The following NLGN3 variants were observed in gnomAD, a reference collection of about 807,000 sequenced individuals.
The protein encoded by NLGN3 is neuroligin 3.
Under a neutral mutation model 42.9 loss-of-function variants are expected in NLGN3, and 11 were observed. The observed-to-expected ratio is 0.26, with a 90% CI of 0.16 to 0.42. NLGN3 has a LOEUF of 0.42. Among genes scored for constraint, NLGN3 ranks in the 10% least tolerant of loss-of-function variants. The probability of loss-of-function intolerance (pLI) is 1.00; values close to 1 mark genes in which losing one functional copy is unlikely to be tolerated. For synonymous variants in NLGN3, 279 were observed against 312.7 expected (o/e 0.89, Z 1.14); for missense variants, 374 against 733.8 (o/e 0.51, Z 5.67).
intron 7 of NLGN3, 117 bp from the exon 8 acceptor site, chrX:71,169,137 A>G: frequency 2.3e-6 from 2 of 872,758 alleles, no homozygotes; most frequent in Non-Finnish European, 3.3e-6. Flanking sequence ...CCTGAAAAAG[A>G]TGGAAATGGT....
chrX:71,164,389 A>G, intron 6 of NLGN3, 61 bp downstream of exon 6: 1 of 1,104,038 alleles, frequency 9.1e-7, no homozygotes, highest in Non-Finnish European at 1.2e-6. Context: ...AGCATGCCCC[A>G]TCCATGCCCC....
chrX:71,148,415 C>T (rs1167206055), intron 2 of NLGN3, among the ~76,000 whole-genome samples: 1 of 108,806 alleles, frequency 9.2e-6, no homozygotes, highest in Non-Finnish European at 1.9e-5. Context: ...GACACTGTTG[C>T]CAGGAGGGGC....
intron 3 of NLGN3, among the ~76,000 whole-genome samples, chrX:71,151,979 C>T (rs1334224977): frequency 8.9e-6 from 1 of 112,030 alleles, no homozygotes; most frequent in Non-Finnish European, 1.9e-5. Context: ...GAGCCAGAGG[C>T]AATTTCTCCC....
intron 5 of NLGN3, among the ~76,000 whole-genome samples, chrX:71,160,256 G>A (rs1385336537): frequency 3.1e-5 from 3 of 95,239 alleles, no homozygotes; most frequent in East Asian, 3.3e-4. Context: ...TCGCTCTGTC[G>A]CTCAGGCTGG....
At chrX:71,162,782 G>A (rs2092434664) in intron 5 of NLGN3, among the ~76,000 whole-genome samples, 1 of 111,993 alleles carries the variant, frequency 8.9e-6, no homozygotes, top group South Asian at 3.7e-4. Flanking sequence ...TCTGCCTATG[G>A]ACTGCAAGGA....
At chrX:71,149,767 G>C (rs905523091) in intron 3 of NLGN3, among the ~76,000 whole-genome samples, 6 of 110,477 alleles carry the variant, frequency 5.4e-5, no homozygotes, top group Non-Finnish European at 1.1e-4. Context: ...TGACCTTCAG[G>C]GCGTGTTCTT....
chrX:71,173,074 T>C (rs1157607170), downstream of NLGN3, among the ~76,000 whole-genome samples: 3 of 109,935 alleles, frequency 2.7e-5, no homozygotes, highest in African/African-American at 9.9e-5. Context: ...GGCCTCCCAA[T>C]TGACCTTTTG....
At chrX:71,145,267 C>A (rs1293311075) in intron 1 of NLGN3, among the ~76,000 whole-genome samples, 2 of 104,622 alleles carry the variant, frequency 1.9e-5, no homozygotes, top group East Asian at 6.1e-4. Flanking sequence ...CGGGATTGCA[C>A]ATTGCCAGTC....
At chrX:71,155,998 G>T (rs1252236480) in intron 5 of NLGN3, among the ~76,000 whole-genome samples, 1 of 110,286 alleles carries the variant, frequency 9.1e-6, no homozygotes, top group Non-Finnish European at 1.9e-5. Context: ...GCACCCCGCA[G>T]ATGGCTCTCA....
In NLGN3 at chrX:71,169,881, C is replaced by T. The variant is rs759656254; in HGVS notation, c.2331C>T (p.Ala777=). Residue 777 remains alanine, a synonymous_variant, in exon 8 of 8, where the codon GCC becomes GCT. Coordinates refer to ENST00000358741, the MANE Select transcript of NLGN3 (RefSeq NM_181303.2). ...QLGPTHHECE[A]GPPHDTLRLT... ...GCCCCACCCACCACGAGTGTGAGGC[C>T]GGTCCCCCCCATGACACGCTGCGCC... 91 of 1,196,481 alleles carry T rather than the reference C, an allele frequency of 7.6e-5. No homozygotes were observed. In the South Asian group the frequency reaches 1.5e-3, roughly 20 times the overall value.
At chrX:71,155,146 C>T in intron 4 of NLGN3, 68 bp from the exon 5 acceptor site, 6 of 1,171,832 alleles carry the variant, frequency 5.1e-6, no homozygotes, top group Non-Finnish European at 7.0e-6. Context: ...CACCCACCCC[C>T]TGGGCTGGCA....
At chrX:71,154,746 G>A (rs1296622367) in intron 4 of NLGN3, among the ~76,000 whole-genome samples, 3 of 111,360 alleles carry the variant, frequency 2.7e-5, no homozygotes, top group Non-Finnish European at 5.7e-5. Flanking sequence ...TGCACTGGGG[G>A]GCCAGCTGCT....
chrX:71,168,529 G>A (rs1422116623), intron 7 of NLGN3, among the ~76,000 whole-genome samples: 17 of 109,457 alleles, frequency 1.6e-4, no homozygotes, highest in Admixed American at 1.4e-3. Context: ...TCAGGAGTTC[G>A]AAACCAGCCT....
In NLGN3 at chrX:71,170,696, A is replaced by G; in HGVS notation, c.*599A>G. On this transcript the variant is annotated 3_prime_UTR_variant, in exon 8 of 8. Transcript: ENST00000358741. ...GGACCCCCAGTGCTCACACAATCAGACCAAGGAACAAGACCCCCAGGAAGG... is the reference window on the plus strand; with the variant it reads ...GGACCCCCAGTGCTCACACAATCAGGCCAAGGAACAAGACCCCCAGGAAGG... 1.3e-6 allele frequency: 1 copy of G among 764,077 alleles called. No homozygotes were observed. The highest frequency in any genetic ancestry group is 1.6e-6 in the Non-Finnish European group (1 of 644,770). The allele number at this position is 764,077 out of a possible 1,213,427, so 63.0% of individuals were successfully genotyped here.
chrX:71,166,898 C>T, intron 6 of NLGN3, 113 bp from the exon 7 acceptor site: 2 of 680,405 alleles, frequency 2.9e-6, no homozygotes, highest in Non-Finnish European at 4.5e-6. Flanking sequence ...AAGAGTTGTT[C>T]CCCCTTCCTA....
At chrX:71,168,882 AAG>A (rs201816776) in intron 7 of NLGN3, among the ~76,000 whole-genome samples, 15,891 of 93,726 alleles carry the variant, frequency 0.17, 2,571 homozygotes, top group African/African-American at 0.55. Context: ...AAAGAAAAGA[AAG>A]AGAAAGAAAG....
Position 71,169,345 on chromosome X carries a change from C to T in NLGN3, c.1795C>T (p.Arg599Ter), listed in dbSNP as rs866980980. The T allele has an allele frequency of 8.3e-7, 1 of 1,207,203 alleles. No individual in the cohort carries two copies. Among genetic ancestry groups the T allele is most frequent in the Non-Finnish European group, 1.1e-6 (1 of 892,932 alleles). Residue 599 changes from arginine to a stop codon, truncating the protein, a stop_gained, in exon 8 of 8, where the codon CGA becomes TGA. Transcript: ENST00000358741. LOFTEE classifies it high-confidence loss of function. ...AGTGGCCTGGTCCAAATACAATCCCCGAGACCAGCTCTACCTTCACATCGG... is the reference window on the plus strand; with the variant it reads ...AGTGGCCTGGTCCAAATACAATCCCTGAGACCAGCTCTACCTTCACATCGG... ...EEVAWSKYNPRDQLYLHIGLK... is the reference protein window; with the variant it reads ...EEVAWSKYNP
At chrX:71,172,976 C>T (rs1007829551), downstream of NLGN3, among the ~76,000 whole-genome samples, 2 of 100,153 alleles carry the variant, frequency 2.0e-5, no homozygotes, top group Non-Finnish European at 2.0e-5. Context: ...GATTATATGA[C>T]TTTTTTTTTT....
intron 3 of NLGN3, among the ~76,000 whole-genome samples, chrX:71,153,065 G>A (rs957720098): frequency 8.9e-6 from 1 of 111,782 alleles, no homozygotes; most frequent in Non-Finnish European, 1.9e-5. Context: ...CTCACCCTTG[G>A]TACCTGACCC....
Sources: gnomAD v4.1 joint callset for allele counts (sites outside exome capture counted in the v4.1 genomes callset) on GRCh38, gnomAD v4.1.1 for gene constraint, MANE v1.5 for transcripts, NCBI Gene and HGNC (gene_info 2026-07-23, HGNC 2026-07-21) for gene names.